The following SLC4A4 variants were observed in gnomAD, a reference collection of about 807,000 sequenced individuals.
SLC4A4 encodes the protein solute carrier family 4 member 4.
A neutral mutation model predicts 111.5 loss-of-function variants in SLC4A4; 27 were observed. That is an observed-to-expected ratio of 0.24 (90% confidence interval 0.18 to 0.33). SLC4A4 has a LOEUF of 0.33. SLC4A4 is among the 10% of genes least tolerant of loss of function. The pLI is 1.00. For missense variants in SLC4A4, 909 were observed against 1,315.5 expected, an observed-to-expected ratio of 0.69 and a Z score of 4.78; for synonymous variants, 443 against 463.4, an observed-to-expected ratio of 0.96 and a Z score of 0.57.
At chr4:71,176,012 T>C (rs950760116) in intron 2 of SLC4A4, among the ~76,000 whole-genome samples, 1 of 152,202 alleles carries the variant, frequency 6.6e-6, no homozygotes. Context: ...CAACATTTGC[T>C]GTTCACCAAT....
intron 6 of SLC4A4, among the ~76,000 whole-genome samples, chr4:71,358,826 T>G (rs1014912190): frequency 2.0e-5 from 3 of 152,206 alleles, no homozygotes; most frequent in Non-Finnish European, 4.4e-5. Flanking sequence ...ACAATTTATA[T>G]TTTTGAAATT....
intron 25 of SLC4A4, 106 bp downstream of exon 25, chr4:71,567,189 ATTAT>A: frequency 1.1e-6 from 1 of 901,352 alleles, no homozygotes; most frequent in Non-Finnish European, 1.7e-6. Flanking sequence ...CTTCGTCTCT[ATTAT>A]TTATCTTAAA....
At chr4:71,098,183 T>C (rs1175429819) in intron 2 of SLC4A4, among the ~76,000 whole-genome samples, 3 of 152,220 alleles carry the variant, frequency 2.0e-5, no homozygotes. Flanking sequence ...TTTTAATTCA[T>C]CCTGAGTTGA....
At chr4:71,147,398 G>T (rs540804391) in intron 2 of SLC4A4, among the ~76,000 whole-genome samples, 1 of 152,104 alleles carries the variant, frequency 6.6e-6, no homozygotes, top group East Asian at 1.9e-4. Flanking sequence ...GGAGGTGGTG[G>T]TTCATGATGG....
intron 2 of SLC4A4, among the ~76,000 whole-genome samples, chr4:71,161,723 C>A (rs1708240166): frequency 6.6e-6 from 1 of 152,094 alleles, no homozygotes; most frequent in Non-Finnish European, 1.5e-5. Flanking sequence ...GTGTAGGAGC[C>A]TGGCAGGTGA....
intron 6 of SLC4A4, among the ~76,000 whole-genome samples, chr4:71,397,341 G>A (rs1047281413): frequency 1.3e-5 from 2 of 152,190 alleles, no homozygotes; most frequent in Non-Finnish European, 2.9e-5. Flanking sequence ...AGCTTACCTT[G>A]AAACTGAACC....
intron 5 of SLC4A4, among the ~76,000 whole-genome samples, chr4:71,351,867 A>G (rs1351524683): frequency 2.0e-5 from 3 of 152,230 alleles, no homozygotes; most frequent in African/African-American, 7.2e-5. Context: ...TAAATGAGAC[A>G]AGGTACATGT....
chr4:71,560,074 T>C lies in SLC4A4; in HGVS notation c.2938-19T>C, dbSNP rs1736831840. ...ATCTGACATGGTTTCTTTCATACTT[T>C]TAATATTTGCTCTTTCAGATCTTGG... On this transcript the variant is annotated intron_variant, in intron 22 of 25. Coordinates refer to ENST00000264485, the MANE Select transcript of SLC4A4 (RefSeq NM_001098484.3). 2 of 1,592,336 alleles carry C rather than the reference T, an allele frequency of 1.3e-6. No individual in the cohort carries two copies. Among genetic ancestry groups the C allele is most frequent in the African/African-American group, 1.3e-5 (1 of 74,450 alleles).
rs1163348607 is a variant in SLC4A4 at position 71,087,197 on chromosome 4, G to T, written c.-64-5533G>T. On this transcript the variant is annotated intron_variant, in intron 1 of 26. Transcript: ENST00000649996. ...GATTTTCTAGTTTATTTGCATAGAG[G>T]TGTTTACAGTATTCTCTGATGGTAG... Among the ~76,000 whole-genome samples, 3 of 152,118 alleles carry T rather than the reference G, an allele frequency of 2.0e-5. No homozygotes were observed. In the East Asian group the frequency reaches 5.8e-4, roughly 29 times the overall value.
intron 15 of SLC4A4, among the ~76,000 whole-genome samples, chr4:71,487,505 C>A (rs1729524924): frequency 6.6e-6 from 1 of 151,534 alleles, no homozygotes; most frequent in African/African-American, 2.4e-5. Context: ...TTTCCCATGG[C>A]TGGTAACCAA....
At chr4:71,321,731 T>C (rs1044676107) in intron 3 of SLC4A4, among the ~76,000 whole-genome samples, 1 of 151,908 alleles carries the variant, frequency 6.6e-6, no homozygotes, top group Non-Finnish European at 1.5e-5. Context: ...GATAATGTAT[T>C]AGTATATTCC....
At chr4:71,264,394 C>T (rs773137301) in intron 3 of SLC4A4, among the ~76,000 whole-genome samples, 1 of 152,068 alleles carries the variant, frequency 6.6e-6, no homozygotes, top group African/African-American at 2.4e-5. Context: ...ACCACAAAGA[C>T]CACAAGATAA....
chr4:71,188,075 A>T (rs1745571642), intron 1 of SLC4A4, among the ~76,000 whole-genome samples: 1 of 152,194 alleles, frequency 6.6e-6, no homozygotes, highest in Non-Finnish European at 1.5e-5. Context: ...GCAGCATGTG[A>T]GTCTTGGCAA....
intron 2 of SLC4A4, among the ~76,000 whole-genome samples, chr4:71,170,381 A>C (rs1744901840): frequency 6.6e-6 from 1 of 152,228 alleles, no homozygotes; most frequent in South Asian, 2.1e-4. Flanking sequence ...TTAAAACAAG[A>C]GGAAAATTAC....
At chr4:71,323,059 A>G (rs879474935) in intron 3 of SLC4A4, among the ~76,000 whole-genome samples, 5 of 152,002 alleles carry the variant, frequency 3.3e-5, no homozygotes, top group Non-Finnish European at 7.4e-5. Flanking sequence ...CATATTTTTG[A>G]GAAAGATAAT....
chr4:71,570,911 G>A lies in SLC4A4; in HGVS notation c.*3160G>A, dbSNP rs1256568394. 1 of 152,162 alleles carries A rather than the reference G, an allele frequency of 6.6e-6. No individual in the cohort carries two copies. The highest frequency in any genetic ancestry group is 1.5e-5 in the Non-Finnish European group (1 of 67,842). 9.4% of individuals were successfully genotyped at this position (152,162 alleles called of 1,614,324 possible). A position where few individuals can be genotyped will look rare whatever the true frequency, so the allele number is the denominator to read the frequency against. ...TGCCTCTTCTCCCAATCAAGGTTGA[G>A]GAGTGGGGCTGGGGAGAGGACTTAA... On this transcript the variant is annotated 3_prime_UTR_variant, in exon 26 of 26. Coordinates refer to ENST00000264485, the MANE Select transcript of SLC4A4 (RefSeq NM_001098484.3).
intron 4 of SLC4A4, among the ~76,000 whole-genome samples, chr4:71,344,245 G>T (rs1729133645): frequency 6.6e-6 from 1 of 152,148 alleles, no homozygotes; most frequent in Non-Finnish European, 1.5e-5. Context: ...TAGAGAAATA[G>T]AACCTTGATT....
chr4:71,167,632 A>G (rs1678658494), intron 2 of SLC4A4, among the ~76,000 whole-genome samples: 1 of 152,170 alleles, frequency 6.6e-6, no homozygotes, highest in Admixed American at 6.5e-5. Context: ...TGTGATGTTG[A>G]TTATTTATTA....
chr4:71,319,877 G>A (rs370282135), intron 3 of SLC4A4, among the ~76,000 whole-genome samples: 8 of 151,822 alleles, frequency 5.3e-5, no homozygotes, highest in African/African-American at 1.9e-4. Context: ...CTTATAATTC[G>A]GATCCCATCA....
Sources: allele counts gnomAD v4.1 joint callset (sites outside exome capture counted in the v4.1 genomes callset), GRCh38; gene constraint gnomAD v4.1.1; transcripts MANE v1.5; gene names NCBI Gene and HGNC (gene_info 2026-07-23, HGNC 2026-07-21).